Variants in MATK observed in about 807,000 individuals in gnomAD.
MATK encodes the protein megakaryocyte-associated tyrosine-protein kinase.
A neutral mutation model predicts 59.8 loss-of-function variants in MATK; 41 were observed. The ratio of observed to expected loss-of-function variants is 0.69; its 90% confidence interval spans 0.53 to 0.89. MATK has a LOEUF of 0.89. Among genes scored for constraint, MATK ranks in the 40% least tolerant of loss-of-function variants. MATK has a pLI of 0.00. For synonymous variants in MATK, 308 were observed against 306.1 expected (o/e 1.01, Z -0.06); for missense variants, 593 against 719.6 (o/e 0.82, Z 2.01).
intron 8 of MATK, 51 bp downstream of exon 8, chr19:3,781,556 A>G (rs1287276967): frequency 6.3e-7 from 1 of 1,590,132 alleles, no homozygotes; most frequent in Non-Finnish European, 8.6e-7. Flanking sequence ...CAAAGCCTCA[A>G]TACGCACCTC....
At position 3,783,944 on chromosome 19, in the gene MATK, C is replaced by T. The variant is rs1323786973; in HGVS notation, c.452G>A (p.Arg151His). The stretch of plus-strand genomic sequence containing the variant: ...GCACAGGACGTAGTCGCCGGGGTGG[C>T]GCGCGGACTCCCGCACCAGGAACAG... ...DGLFLVRESA[R>H]HPGDYVLCVS... is the part of the protein sequence containing the mutation. Residue 151 changes from arginine (R) to histidine (H), a missense_variant, in exon 6 of 14, where the codon CGC becomes CAC. By Grantham distance (29) the Arg-to-His change is conservative. Transcript: ENST00000310132. 7.4e-6 allele frequency: 12 copies of T among 1,612,518 alleles called. No individual in the cohort carries two copies. The highest frequency in any genetic ancestry group is 1.3e-5 in the African/African-American group (1 of 75,026).
intron 7 of MATK, 57 bp from the exon 8 acceptor site, chr19:3,781,729 G>T (rs2037404827): frequency 6.5e-6 from 9 of 1,395,206 alleles, no homozygotes; most frequent in Non-Finnish European, 2.0e-6. Flanking sequence ...CTCCCATTGG[G>T]GGTTCTACTT....
chr19:3,780,007 G>A (rs950416359), intron 8 of MATK, among the ~76,000 whole-genome samples: 8 of 152,204 alleles, frequency 5.3e-5, no homozygotes, highest in Non-Finnish European at 1.0e-4. Context: ...TGGCTCTGGC[G>A]CGGTGGCTCA....
chr19:3,796,208 T>C (rs1026240021), intron 1 of MATK, among the ~76,000 whole-genome samples: 1 of 152,220 alleles, frequency 6.6e-6, no homozygotes, highest in Admixed American at 6.5e-5. Context: ...CTTGTTGGTA[T>C]GAATAGCAGC....
Position 3,785,207 on chromosome 19 carries a change from T to A in MATK, c.-72A>T. The A allele has an allele frequency of 6.2e-7, 1 of 1,607,790 alleles. No individual in the cohort carries two copies. Among genetic ancestry groups the A allele is most frequent in the Non-Finnish European group, 8.5e-7 (1 of 1,178,110 alleles). Reference sequence around the variant, plus strand: ...TGGTCACAGTCGGGGACGCTGGGAATGGCCTGCCACAGGCCAGTCGGCTGG... The same window carrying A: ...TGGTCACAGTCGGGGACGCTGGGAAAGGCCTGCCACAGGCCAGTCGGCTGG... On this transcript the variant is annotated 5_prime_UTR_variant, in exon 2 of 14. Coordinates refer to ENST00000310132, the MANE Select transcript of MATK (RefSeq NM_139355.3).
At chr19:3,780,497 T>C (rs1206284044) in intron 8 of MATK, among the ~76,000 whole-genome samples, 1 of 151,436 alleles carries the variant, frequency 6.6e-6, no homozygotes, top group Non-Finnish European at 1.5e-5. Context: ...GCGCCATCTC[T>C]GCTCACTGCA....
rs775448497 is a variant in MATK, at chr19:3,778,472, GC to G, written c.1284+36del. On this transcript the variant is annotated intron_variant, in intron 13 of 13. Coordinates refer to ENST00000310132, the MANE Select transcript of MATK (RefSeq NM_139355.3). Reference sequence around the variant, plus strand: ...GGTCAGGGCCACAGCCTCTGGACCTGCCCGGAACCCAGTGCCTCCCTGGGAC... The same window carrying G: ...GGTCAGGGCCACAGCCTCTGGACCTGCCGGAACCCAGTGCCTCCCTGGGAC... 4 of 1,613,736 alleles carry G rather than the reference GC, an allele frequency of 2.5e-6. No individual in the cohort carries two copies. The Admixed American group carries it at 6.7e-5, about 27-fold the overall frequency.
Position 3,779,139 on chromosome 19 carries a change from G to T in MATK, c.1050C>A (p.His350Gln). The change falls in exon 12 of 14, where the codon CAC (histidine) becomes CAA (glutamine). Residue 350 changes from histidine (H) to glutamine (Q), a missense_variant. His to Gln is a conservative substitution (Grantham distance 24, BLOSUM62 0). Coordinates refer to ENST00000310132, the MANE Select transcript of MATK (RefSeq NM_139355.3). ...MEYLESKKLV[H>Q]RDLAARNILV... Reference sequence around the variant, plus strand: ...GGATGTTGCGGGCGGCCAGGTCGCGGTGCACAAGCTTCTTGCTCTCCAGGT... The same window carrying T: ...GGATGTTGCGGGCGGCCAGGTCGCGTTGCACAAGCTTCTTGCTCTCCAGGT... 1 of 1,608,108 alleles carries T rather than the reference G, an allele frequency of 6.2e-7. No homozygotes were observed.
Position 3,785,277 on chromosome 19 carries a change from T to C in MATK, c.-142A>G. 2 of 1,509,388 alleles carry C rather than the reference T, an allele frequency of 1.3e-6. No individual in the cohort carries two copies. 93.5% of individuals were successfully genotyped at this position (1,509,388 alleles called of 1,614,324 possible). On this transcript the variant is annotated 5_prime_UTR_variant, in exon 2 of 14. Transcript: ENST00000310132. ...GGTGCCACTGGACCGAGCCTGGTTCTTCCTGTTTTCTGGTTGGTAGGCAGG... is the reference window on the plus strand; with the variant it reads ...GGTGCCACTGGACCGAGCCTGGTTCCTCCTGTTTTCTGGTTGGTAGGCAGG...
At chr19:3,783,242 T>TGAGCCCAGCCCCAGGGAGGGG (rs767442632) in intron 6 of MATK, 23 bp from the exon 7 acceptor site, 1 of 1,327,142 alleles carries the variant, frequency 7.5e-7, no homozygotes, top group Non-Finnish European at 9.9e-7. Flanking sequence ...GGGACAGCCA[T>TGAGCCCAGCCCCAGGGAGGGG]GAGCCCAGCC....
intron 1 of MATK, among the ~76,000 whole-genome samples, chr19:3,799,261 A>C (rs574146792): frequency 6.6e-6 from 1 of 152,066 alleles, no homozygotes; most frequent in Non-Finnish European, 1.5e-5. Flanking sequence ...GTTTGACCCC[A>C]ATTTTATGGA....
upstream of MATK, among the ~76,000 whole-genome samples, chr19:3,786,596 G>C (rs2037489217): frequency 6.6e-6 from 1 of 151,422 alleles, no homozygotes; most frequent in Admixed American, 6.6e-5. This position sits in a 1 kb window ranked among gnomAD's most constrained non-coding sequence, Gnocchi z 4.1. Flanking sequence ...GCGCGGCGGG[G>C]ACCGGGGGTG....
chr19:3,798,083 A>G (rs2037611546), intron 1 of MATK, among the ~76,000 whole-genome samples: 1 of 152,100 alleles, frequency 6.6e-6, no homozygotes, highest in Non-Finnish European at 1.5e-5. Flanking sequence ...AAATAAGTAA[A>G]TAAATAAAGG....
At chr19:3,780,654 G>A (rs1337636405) in intron 8 of MATK, among the ~76,000 whole-genome samples, 3 of 148,018 alleles carry the variant, frequency 2.0e-5, no homozygotes, top group African/African-American at 7.5e-5. Flanking sequence ...GGATGGTCTC[G>A]ATCTCATGAC....
At chr19:3,786,647 C>T (rs2037489836), upstream of MATK, among the ~76,000 whole-genome samples, 1 of 151,504 alleles carries the variant, frequency 6.6e-6, no homozygotes, top group African/African-American at 2.4e-5. This position sits in a 1 kb window ranked among gnomAD's most constrained non-coding sequence, Gnocchi z 4.1. Flanking sequence ...AAGCAAGGCG[C>T]CAAGCCCGGA....
intron 12 of MATK, 24 bp downstream of exon 12, chr19:3,778,968 G>A (rs1256702001): frequency 3.3e-6 from 5 of 1,521,542 alleles, no homozygotes; most frequent in Non-Finnish European, 3.5e-6. Context: ...CAAAGCCCCA[G>A]GGGTATGTGA....
chr19:3,778,861 G>T, intron 12 of MATK, 131 bp downstream of exon 12: 1 of 1,007,206 alleles, frequency 9.9e-7, no homozygotes, highest in Non-Finnish European at 1.4e-6. Flanking sequence ...AACAATTATG[G>T]GCCAAGAGCT....
intron 7 of MATK, among the ~76,000 whole-genome samples, chr19:3,782,159 AAACAC>A (rs1191307829): frequency 6.6e-6 from 1 of 152,132 alleles, no homozygotes; most frequent in Non-Finnish European, 1.5e-5. Flanking sequence ...CAGAGCAAAA[AAACAC>A]AACATGGAGA....
At chr19:3,799,561 C>A (rs549294898) in intron 1 of MATK, among the ~76,000 whole-genome samples, 1 of 152,318 alleles carries the variant, frequency 6.6e-6, no homozygotes, top group East Asian at 1.9e-4. Context: ...GAGTTGAGGC[C>A]GGGTGTGGTG....
Sources: gnomAD v4.1 joint callset for allele counts (sites outside exome capture counted in the v4.1 genomes callset) on GRCh38, gnomAD v4.1.1 for gene constraint, Gnocchi (gnomAD v3.1) non-coding constraint, MANE v1.5 for transcripts, NCBI Gene and HGNC (gene_info 2026-07-23, HGNC 2026-07-21) for gene names.